OR4K1: variants seen among roughly 807,000 people sequenced by gnomAD.
OR4K1 encodes olfactory receptor 4K1.
In OR4K1, 16 loss-of-function variants were observed where a neutral mutation model predicts 14.4. The ratio of observed to expected loss-of-function variants is 1.11; its 90% CI spans 0.75 to 1.68. The LOEUF (loss-of-function observed/expected upper bound fraction) is 1.68. Ranked by LOEUF, OR4K1 falls within the 40% of genes most tolerant of loss-of-function variation. The pLI, the probability that OR4K1 is intolerant of heterozygous loss-of-function variation, is 0.00. For synonymous variants in OR4K1, 181 were observed against 133.1 expected (o/e 1.36, Z -2.48); for missense variants, 548 against 376.9 (o/e 1.45, Z -3.76).
At chr14:19,932,898 T>C (rs1169612223) in intron 1 of OR4K1, among the ~76,000 whole-genome samples, 1 of 151,848 alleles carries the variant, frequency 6.6e-6, no homozygotes, top group Admixed American at 6.6e-5. Context: ...TCACACAGTA[T>C]TTTGCACATA....
intron 1 of OR4K1, among the ~76,000 whole-genome samples, chr14:19,934,001 A>C (rs1294003715): frequency 2.0e-5 from 3 of 152,272 alleles, no homozygotes; most frequent in African/African-American, 7.2e-5. Context: ...GAAAGCTTGA[A>C]AACAGTTTAA....
In OR4K1 at chr14:19,932,600, C is replaced by G. The variant is rs555831331; in HGVS notation, c.-20+1455C>G. On this transcript the variant is annotated intron_variant, in intron 1 of 1. Coordinates refer to ENST00000641172, the MANE Select transcript of OR4K1 (RefSeq NM_001004063.3). The stretch of plus-strand genomic sequence containing the variant: ...CCCACTTTAGAGCCCCACCACTGTT[C>G]TATCACTCATAAGATTTAGCTTTGT... 2.6e-5 allele frequency among the ~76,000 whole-genome samples: 4 copies of G among 152,374 alleles called. No homozygotes were observed. In the East Asian group the frequency reaches 7.7e-4, roughly 29 times the overall value.
At chr14:19,923,999 CAAATATGTTAATGAGA>C in the OR4K1 span, among the ~76,000 whole-genome samples, 1 of 152,136 alleles carries the variant, frequency 6.6e-6, no homozygotes, top group South Asian at 2.1e-4. Flanking sequence ...AGCATCTCAT[CAAATATGTTAATGAGA>C]GAAATCAGGA....
In OR4K1 at chr14:19,935,768, C is replaced by T; in HGVS notation, c.102C>T (p.Val34=). ...TCTTTTTTGCCATCTTCTCTATAGT[C>T]TATGTGACATCAGTGCTAGGCAATG... ...QLFFFAIFSI[V]YVTSVLGNVL... The change falls in exon 2 of 2, where the codon GTC becomes GTT. Residue 34 remains valine (V), a synonymous_variant. Coordinates refer to ENST00000641172, the MANE Select transcript of OR4K1 (RefSeq NM_001004063.3). 2 of 1,614,116 alleles carry T rather than the reference C, an allele frequency of 1.2e-6. No individual in the cohort carries two copies. The highest frequency in any genetic ancestry group is 1.7e-6 in the Non-Finnish European group (2 of 1,179,978).
At chr14:19,928,806 ACTC>A (rs1221496511), upstream of OR4K1, among the ~76,000 whole-genome samples, 1 of 150,896 alleles carries the variant, frequency 6.6e-6, no homozygotes, top group Non-Finnish European at 1.5e-5. Context: ...GTTCTTTTGA[ACTC>A]CTTGTGCATC....
intron 1 of OR4K1, among the ~76,000 whole-genome samples, chr14:19,932,644 T>C (rs2138592543): frequency 6.6e-6 from 1 of 152,370 alleles, no homozygotes; most frequent in East Asian, 1.9e-4. Context: ...AAGCATCTCC[T>C]AGTCTACTGT....
rs1473934168 is a variant in OR4K1, at chr14:19,935,763, A to G, written c.97A>G (p.Ile33Val). ...LQLFFFAIFS[I>V]VYVTSVLGNV... is the part of the protein sequence containing the mutation. ...ACTTTTCTTTTTTGCCATCTTCTCT[A>G]TAGTCTATGTGACATCAGTGCTAGG... is the stretch of plus-strand genomic sequence containing the variant. The change falls in exon 2 of 2, where the codon ATA (isoleucine) becomes GTA (valine). Residue 33 changes from isoleucine (I) to valine (V), a missense_variant. Coordinates refer to ENST00000641172, the MANE Select transcript of OR4K1 (RefSeq NM_001004063.3). The G allele has an allele frequency of 1.9e-6, 3 of 1,614,118 alleles. No homozygotes were observed. Among genetic ancestry groups the G allele is most frequent in the East Asian group, 2.2e-5 (1 of 44,882 alleles).
the OR4K1 span, chr14:19,921,273 G>A: frequency 6.2e-6 from 10 of 1,614,130 alleles, no homozygotes; most frequent in African/African-American, 1.2e-4. Flanking sequence ...CATTATTCTT[G>A]TTACAGTTTG....
the OR4K1 span, among the ~76,000 whole-genome samples, chr14:19,922,406 T>G: frequency 9.2e-5 from 14 of 152,254 alleles, no homozygotes; most frequent in African/African-American, 3.4e-4. Flanking sequence ...TTAAATTCTC[T>G]GATCCCCATC....
upstream of OR4K1, among the ~76,000 whole-genome samples, chr14:19,930,731 A>C (rs1882166216): frequency 6.6e-6 from 1 of 152,260 alleles, no homozygotes; most frequent in Non-Finnish European, 1.5e-5. Context: ...ACAAACAAAC[A>C]AACCTTTTTT....
the OR4K1 span, chr14:19,920,468 AT>A: frequency 9.1e-7 from 1 of 1,097,118 alleles, no homozygotes; most frequent in Non-Finnish European, 1.3e-6. Context: ...CCTCTTCAAA[AT>A]TTTTGCATTC....
the OR4K1 span, among the ~76,000 whole-genome samples, chr14:19,922,079 A>AC: frequency 7.4e-5 from 11 of 148,328 alleles, no homozygotes; most frequent in East Asian, 1.8e-3. Flanking sequence ...TCCCCCCCCC[A>AC]AAAATCAATT....
the OR4K1 span, chr14:19,921,175 T>C: frequency 6.2e-6 from 10 of 1,614,200 alleles, no homozygotes; most frequent in South Asian, 1.1e-5. Flanking sequence ...CTTGCCTGCC[T>C]GGACTCTTAC....
the OR4K1 span, chr14:19,921,182 T>G: frequency 6.2e-7 from 1 of 1,614,190 alleles, no homozygotes; most frequent in Non-Finnish European, 8.5e-7. Context: ...GCCTGGACTC[T>G]TACATCATTG....
Position 19,936,426 on chromosome 14 carries a change from T to A in OR4K1, c.760T>A (p.Cys254Ser). 1 of 1,614,174 alleles carries A rather than the reference T, an allele frequency of 6.2e-7. No individual in the cohort carries two copies. The highest frequency in any genetic ancestry group is 1.3e-5 in the African/African-American group (1 of 75,060). The change falls in exon 2 of 2, where the codon TGC (cysteine) becomes AGC (serine). Residue 254 changes from cysteine (C) to serine (S), a missense_variant. Transcript: ENST00000641172. ...ITVVILFFGP[C>S]IYFYIWPFSR... ...AGTGGTCATTCTTTTCTTCGGGCCTTGCATTTATTTCTATATATGGCCTTT... is the reference window on the plus strand; with the variant it reads ...AGTGGTCATTCTTTTCTTCGGGCCTAGCATTTATTTCTATATATGGCCTTT...
chr14:19,934,847 A>G (rs1882268554), intron 1 of OR4K1, among the ~76,000 whole-genome samples: 2 of 152,026 alleles, frequency 1.3e-5, no homozygotes, highest in Non-Finnish European at 2.9e-5. Flanking sequence ...ATTTTTTTGT[A>G]TTTTTAGTAG....
the OR4K1 span, among the ~76,000 whole-genome samples, chr14:19,920,321 A>T: frequency 6.6e-6 from 1 of 152,222 alleles, no homozygotes; most frequent in Non-Finnish European, 1.5e-5. Flanking sequence ...GGGTAAGCTC[A>T]TTTCCTACTG....
At chr14:19,932,501 A>G (rs779266573) in intron 1 of OR4K1, among the ~76,000 whole-genome samples, 13 of 152,218 alleles carry the variant, frequency 8.5e-5, no homozygotes, top group Non-Finnish European at 1.6e-4. Context: ...CATGTTAGAA[A>G]AGGAGTTGAG....
At chr14:19,921,665 A>G in the OR4K1 span, 1 of 1,328,178 alleles carries the variant, frequency 7.5e-7, no homozygotes, top group Non-Finnish European at 1.0e-6. Context: ...TGGGGAAAGT[A>G]GTGAAGAAGA....
Sources: gnomAD v4.1 joint callset for allele counts (sites outside exome capture counted in the v4.1 genomes callset) on GRCh38, gnomAD v4.1.1 for gene constraint, MANE v1.5 for transcripts, NCBI Gene and HGNC (gene_info 2026-07-23, HGNC 2026-07-21) for gene names.